Variants in DNAAF9 observed in about 807,000 individuals in gnomAD.
The protein encoded by DNAAF9 is dynein axonemal assembly factor 9.
A neutral mutation model predicts 167.0 loss-of-function variants in DNAAF9; 90 were observed. The ratio of observed to expected loss-of-function variants is 0.54; its 90% CI spans 0.45 to 0.64. The LOEUF is 0.64. Among genes scored for constraint, DNAAF9 ranks in the 30% least tolerant of loss-of-function variants. The pLI is 0.00. For synonymous variants in DNAAF9, 491 were observed against 508.8 expected, an observed-to-expected ratio of 0.96 and a Z score of 0.47; for missense variants, 1,315 against 1,442.2, an observed-to-expected ratio of 0.91 and a Z score of 1.43.
chr20:3,399,317 C>T (rs1410105758), intron 1 of DNAAF9, among the ~76,000 whole-genome samples: 1 of 152,064 alleles, frequency 6.6e-6, no homozygotes, highest in African/African-American at 2.4e-5. Context: ...TCAAGCAATT[C>T]TCCTGCCTCA....
At chr20:3,261,331 C>A (rs1040640540) in intron 31 of DNAAF9, among the ~76,000 whole-genome samples, 1 of 151,842 alleles carries the variant, frequency 6.6e-6, no homozygotes, top group African/African-American at 2.4e-5. Flanking sequence ...GTCACTGTGC[C>A]TAGCCTGTTT....
At chr20:3,363,531 CTTTTT>C (rs756444381) in intron 6 of DNAAF9, among the ~76,000 whole-genome samples, 1 of 120,552 alleles carries the variant, frequency 8.3e-6, no homozygotes, top group Non-Finnish European at 1.7e-5. Flanking sequence ...AAAGCAAACT[CTTTTT>C]TTTTTTTTTT....
intron 6 of DNAAF9, among the ~76,000 whole-genome samples, chr20:3,368,993 G>T (rs2083472619): frequency 6.6e-6 from 1 of 152,114 alleles, no homozygotes; most frequent in African/African-American, 2.4e-5. Flanking sequence ...GCCAGGCATG[G>T]TGGAGCATGC....
intron 10 of DNAAF9, among the ~76,000 whole-genome samples, chr20:3,336,955 C>T (rs6139081): frequency 0.2 from 29,259 of 149,220 alleles, 3,074 homozygotes; most frequent in African/African-American, 0.24. Context: ...TCTCGGCTCA[C>T]TGCAAGCTCC....
chr20:3,284,315 T>C (rs6051711), intron 27 of DNAAF9, among the ~76,000 whole-genome samples: 93,156 of 151,498 alleles, frequency 0.61, 28,957 homozygotes, highest in East Asian at 0.72. Context: ...TGAGTAGCTG[T>C]GACCACAGGT....
intron 21 of DNAAF9, among the ~76,000 whole-genome samples, chr20:3,298,875 TATTTTCTTC>T (rs2069130596): frequency 6.6e-6 from 1 of 152,034 alleles, no homozygotes; most frequent in Admixed American, 6.6e-5. Flanking sequence ...TTTTCTCCTG[TATTTTCTTC>T]AAAGAGTTTT....
At chr20:3,382,539 GC>G in intron 1 of DNAAF9, 33 bp from the exon 2 acceptor site, 2 of 1,547,296 alleles carry the variant, frequency 1.3e-6, no homozygotes, top group Non-Finnish European at 1.8e-6. Context: ...TCCCCTGAGT[GC>G]CAGGACAGCC....
At chr20:3,305,512 C>G (rs770240799) in intron 20 of DNAAF9, among the ~76,000 whole-genome samples, 16 of 152,220 alleles carry the variant, frequency 1.1e-4, no homozygotes, top group Non-Finnish European at 1.9e-4. Context: ...GAAATTGATT[C>G]CTTAAGTTGT....
intron 2 of DNAAF9, 38 bp downstream of exon 2, chr20:3,382,389 G>T: frequency 6.5e-7 from 1 of 1,539,388 alleles, no homozygotes; most frequent in South Asian, 1.1e-5. Flanking sequence ...AAGCCAAGTT[G>T]CCCAAGCCCT....
At chr20:3,317,505 A>G (rs1052198022) in intron 17 of DNAAF9, among the ~76,000 whole-genome samples, 6 of 152,280 alleles carry the variant, frequency 3.9e-5, no homozygotes, top group Admixed American at 1.3e-4. Context: ...TCATTCTACC[A>G]TTCTTTAGAA....
chr20:3,313,703 CAT>C (rs1416814695), intron 20 of DNAAF9, among the ~76,000 whole-genome samples: 1 of 152,152 alleles, frequency 6.6e-6, no homozygotes, highest in African/African-American at 2.4e-5. Context: ...GGACAGATAA[CAT>C]ATAAAATTGA....
intron 31 of DNAAF9, 101 bp downstream of exon 31, chr20:3,264,337 A>G: frequency 4.4e-6 from 3 of 681,314 alleles, no homozygotes; most frequent in Non-Finnish European, 7.9e-6. Context: ...CTTGCAAAGC[A>G]CATCTGGTAT....
At chr20:3,306,599 G>C (rs2069299353) in intron 20 of DNAAF9, among the ~76,000 whole-genome samples, 2 of 152,178 alleles carry the variant, frequency 1.3e-5, no homozygotes, top group Admixed American at 6.6e-5. Context: ...GCCAGGTACA[G>C]AACACAGGTT....
chr20:3,290,800 T>G (rs2068937238), intron 25 of DNAAF9, among the ~76,000 whole-genome samples: 1 of 150,762 alleles, frequency 6.6e-6, no homozygotes, highest in African/African-American at 2.4e-5. Context: ...TTTTTTTTTT[T>G]TTTTTTGAGA....
In DNAAF9 at chr20:3,251,449, C is replaced by T. The variant is rs1472822746; in HGVS notation, c.*1123G>A. 1.3e-5 allele frequency: 2 copies of T among 152,204 alleles called. No homozygotes were observed. The highest frequency in any genetic ancestry group is 4.8e-5 in the African/African-American group (2 of 41,432). 9.4% of individuals were successfully genotyped at this position (152,204 alleles called of 1,614,324 possible). ...ATCAGTGGCTGTGACTCCCCTGTCC[C>T]CCACACCAATTATGAAGGTCAGGCA... On this transcript the variant is annotated 3_prime_UTR_variant, in exon 37 of 37. Transcript: ENST00000252032.
At chr20:3,339,202 T>C (rs989166191) in intron 10 of DNAAF9, among the ~76,000 whole-genome samples, 1 of 152,240 alleles carries the variant, frequency 6.6e-6, no homozygotes, top group Non-Finnish European at 1.5e-5. Context: ...ATGTTGCCTA[T>C]GTGTTCCATT....
intron 31 of DNAAF9, among the ~76,000 whole-genome samples, chr20:3,262,067 C>A (rs906005200): frequency 6.6e-6 from 1 of 152,034 alleles, no homozygotes; most frequent in Non-Finnish European, 1.5e-5. Flanking sequence ...CTCTGACCCA[C>A]GTGAGAGGGG....
At chr20:3,345,435 G>A (rs921351645) in intron 8 of DNAAF9, among the ~76,000 whole-genome samples, 1 of 152,132 alleles carries the variant, frequency 6.6e-6, no homozygotes, top group African/African-American at 2.4e-5. Flanking sequence ...TTCCTCTCTA[G>A]AGATGAGTTG....
intron 20 of DNAAF9, among the ~76,000 whole-genome samples, chr20:3,306,357 C>A (rs554229558): frequency 1.3e-5 from 2 of 152,222 alleles, no homozygotes; most frequent in Non-Finnish European, 2.9e-5. Context: ...TTCTCATCCA[C>A]ATCAAGGGCA....
Sources: allele counts gnomAD v4.1 joint callset (sites outside exome capture counted in the v4.1 genomes callset), GRCh38; gene constraint gnomAD v4.1.1; transcripts MANE v1.5; gene names NCBI Gene and HGNC (gene_info 2026-07-23, HGNC 2026-07-21).